Variants in EEF1E1 observed in about 807,000 individuals in gnomAD.
EEF1E1 encodes eukaryotic translation elongation factor 1 epsilon-1.
Under a neutral mutation model 19.9 loss-of-function variants are expected in EEF1E1, and 19 were observed. The ratio of observed to expected loss-of-function variants is 0.95; its 90% CI spans 0.66 to 1.40. The LOEUF (loss-of-function observed/expected upper bound fraction) is 1.40, where lower values mean the gene tolerates loss of function less well. EEF1E1 is among the 40% of genes most tolerant of loss of function. EEF1E1 has a pLI of 0.00. For missense variants in EEF1E1, 198 were observed against 202.2 expected, an observed-to-expected ratio of 0.98 and a Z score of 0.13; for synonymous variants, 81 against 80.0, an observed-to-expected ratio of 1.01 and a Z score of -0.07.
intron 1 of EEF1E1, among the ~76,000 whole-genome samples, chr6:8,100,005 G>C (rs1758305328): frequency 6.6e-6 from 1 of 152,076 alleles, no homozygotes; most frequent in African/African-American, 2.4e-5. Context: ...ATGCCTTATT[G>C]CTGGCTCACT....
intron 3 of EEF1E1, 47 bp from the exon 4 acceptor site, chr6:8,080,077 A>G (rs1757689616): frequency 1.3e-6 from 2 of 1,589,796 alleles, no homozygotes; most frequent in Non-Finnish European, 8.6e-7. Flanking sequence ...ATGTTACATA[A>G]GCACAACTGT....
chr6:8,090,268 T>C lies in EEF1E1; in HGVS notation c.302A>G (p.Tyr101Cys). 6.7e-7 allele frequency: 1 copy of C among 1,486,018 alleles called. No homozygotes were observed. Among genetic ancestry groups the C allele is most frequent in the Non-Finnish European group, 8.9e-7 (1 of 1,125,942 alleles). The allele number at this position is 1,486,018 out of a possible 1,614,324, so 92.1% of individuals were successfully genotyped here. Residue 101 changes from tyrosine to cysteine, a missense_variant, in exon 3 of 4, where the codon TAT becomes TGT. Tyr to Cys is a radical substitution (Grantham distance 194). Transcript: ENST00000379715. ...TGTAAGGTAGACTTTATCTTCAAGA[T>C]ATGAATTAAGATCCTAGAAAAAAGA... The part of the protein sequence containing the change: ...IHTLLKDLNS[Y>C]LEDKVYLTGY...
chr6:8,095,299 G>T, intron 2 of EEF1E1: 1 of 316,926 alleles, frequency 3.2e-6, no homozygotes, highest in Non-Finnish European at 6.4e-6. Context: ...TCAGGAGTTC[G>T]AGACCAGCCT....
At chr6:8,088,746 C>T (rs146143544) in intron 3 of EEF1E1, among the ~76,000 whole-genome samples, 13 of 152,224 alleles carry the variant, frequency 8.5e-5, no homozygotes, top group African/African-American at 3.1e-4. Context: ...AAAGGCAAGG[C>T]TGAGACCAGG....
chr6:8,073,968 C>G (rs1412916901), intron 3 of EEF1E1, among the ~76,000 whole-genome samples: 2 of 152,212 alleles, frequency 1.3e-5, no homozygotes, highest in Non-Finnish European at 2.9e-5. Context: ...CTGGCCTCCT[C>G]CCAGCTGGAG....
chr6:8,087,912 G>A (rs1231324976), intron 3 of EEF1E1, among the ~76,000 whole-genome samples: 2 of 152,200 alleles, frequency 1.3e-5, no homozygotes, highest in African/African-American at 4.8e-5. Context: ...ACAGGGGGAA[G>A]ATGGGTGTTG....
downstream of EEF1E1, among the ~76,000 whole-genome samples, chr6:8,076,509 C>G (rs568759286): frequency 2.6e-5 from 4 of 151,054 alleles, no homozygotes; most frequent in Non-Finnish European, 5.9e-5. Context: ...ATTTTTAGTA[C>G]AGACGGGGTT....
chr6:8,082,698 T>G (rs1408387533), intron 3 of EEF1E1, among the ~76,000 whole-genome samples: 1 of 152,048 alleles, frequency 6.6e-6, no homozygotes, highest in African/African-American at 2.4e-5. Flanking sequence ...ACTCACAGAG[T>G]TTTTCAAAAA....
chr6:8,101,802 C>T (rs1245520318), intron 1 of EEF1E1: 1 of 1,289,404 alleles, frequency 7.8e-7, no homozygotes, highest in Middle Eastern at 2.1e-4. Flanking sequence ...GGTCGTAACA[C>T]TTAAACTGAT....
At chr6:8,095,931 A>C (rs1318627370) in intron 2 of EEF1E1, among the ~76,000 whole-genome samples, 2 of 152,328 alleles carry the variant, frequency 1.3e-5, no homozygotes, top group East Asian at 3.9e-4. Flanking sequence ...ATGCACCACC[A>C]GCCCTTAGAA....
chr6:8,091,554 T>C (rs1032185961), intron 2 of EEF1E1, among the ~76,000 whole-genome samples: 3 of 152,236 alleles, frequency 2.0e-5, no homozygotes, highest in African/African-American at 7.2e-5. Context: ...GTCCAATTTA[T>C]CTATTTTTAC....
chr6:8,101,362 A>G (rs1758359482), intron 1 of EEF1E1, among the ~76,000 whole-genome samples: 1 of 144,090 alleles, frequency 6.9e-6, no homozygotes, highest in African/African-American at 2.6e-5. Context: ...TATATATTAT[A>G]TAATATATAC....
intron 1 of EEF1E1, among the ~76,000 whole-genome samples, chr6:8,098,318 C>CTA (rs1210999259): frequency 6.6e-6 from 1 of 151,986 alleles, no homozygotes; most frequent in African/African-American, 2.4e-5. Flanking sequence ...CGGGGTTTCA[C>CTA]TATGTTGGTC....
intron 2 of EEF1E1, among the ~76,000 whole-genome samples, chr6:8,090,890 A>G (rs1290692005): frequency 6.6e-6 from 1 of 152,214 alleles, no homozygotes; most frequent in African/African-American, 2.4e-5. Flanking sequence ...TTAGGGCTGC[A>G]TAATATTCCA....
downstream of EEF1E1, among the ~76,000 whole-genome samples, chr6:8,075,467 C>G (rs530924685): frequency 6.6e-6 from 1 of 152,232 alleles, no homozygotes; most frequent in South Asian, 2.1e-4. Context: ...GTTCCCCTGT[C>G]CATAGAAAAG....
intron 1 of EEF1E1, chr6:8,101,787 C>G: frequency 7.8e-7 from 1 of 1,289,422 alleles, no homozygotes; most frequent in South Asian, 1.2e-5. Flanking sequence ...CCCGCATTCA[C>G]TGTGGGTCGT....
chr6:8,101,157 C>G (rs1561646963), intron 1 of EEF1E1, among the ~76,000 whole-genome samples: 1 of 138,414 alleles, frequency 7.2e-6, no homozygotes, highest in South Asian at 2.3e-4. Flanking sequence ...ACCCGGGAGG[C>G]AGAGGTTGCA....
At chr6:8,088,661 A>G (rs1757933476) in intron 3 of EEF1E1, among the ~76,000 whole-genome samples, 1 of 152,136 alleles carries the variant, frequency 6.6e-6, no homozygotes, top group Non-Finnish European at 1.5e-5. Context: ...TTTCCTGTAT[A>G]TATATTACCC....
chr6:8,093,158 C>T (rs140875212), intron 2 of EEF1E1, among the ~76,000 whole-genome samples: 2 of 152,088 alleles, frequency 1.3e-5, no homozygotes, highest in African/African-American at 4.8e-5. Flanking sequence ...AGGCGTGAGC[C>T]ACCGTGCCCG....
Sources: allele counts gnomAD v4.1 joint callset (sites outside exome capture counted in the v4.1 genomes callset), GRCh38; gene constraint gnomAD v4.1.1; transcripts MANE v1.5; gene names NCBI Gene and HGNC (gene_info 2026-07-23, HGNC 2026-07-21).